ASIC2: variants seen among roughly 807,000 people sequenced by gnomAD.
ASIC2 encodes acid sensing ion channel subunit 2.
Under a neutral mutation model 57.3 loss-of-function variants are expected in ASIC2, and 25 were observed. The observed-to-expected ratio is 0.44, with a 90% confidence interval of 0.32 to 0.61. The LOEUF (loss-of-function observed/expected upper bound fraction) is 0.61. ASIC2 is among the 20% of genes least tolerant of loss of function. The pLI is 0.06. For synonymous variants in ASIC2, 319 were observed against 307.5 expected, an observed-to-expected ratio of 1.04 and a Z score of -0.39; for missense variants, 641 against 738.1, an observed-to-expected ratio of 0.87 and a Z score of 1.52.
At chr17:33,735,054 T>A (rs1909868563) in intron 1 of ASIC2, among the ~76,000 whole-genome samples, 2 of 152,162 alleles carry the variant, frequency 1.3e-5, no homozygotes, top group African/African-American at 2.4e-5. Flanking sequence ...TTCTCTGAGA[T>A]CCCTGTATGA....
chr17:34,152,540 T>C (rs765214324), intron 1 of ASIC2, among the ~76,000 whole-genome samples: 1 of 152,172 alleles, frequency 6.6e-6, no homozygotes, highest in African/African-American at 2.4e-5. Context: ...TCATCTTTCA[T>C]AGCTTTACTC....
intron 1 of ASIC2, among the ~76,000 whole-genome samples, chr17:33,874,989 G>C (rs1468047649): frequency 6.6e-6 from 1 of 152,138 alleles, no homozygotes; most frequent in Non-Finnish European, 1.5e-5. Context: ...CAGTGACAAA[G>C]CTCCAAGGCA....
rs188892104 is a variant in ASIC2 at position 33,550,386 on chromosome 17, T to C, written c.556-438319A>G. Among the ~76,000 whole-genome samples the C allele has an allele frequency of 1.7e-3, 260 of 152,242 alleles. 1 individual carries two copies. The highest frequency in any genetic ancestry group is 2.9e-3 in the Non-Finnish European group (195 of 68,016). Reference sequence around the variant, plus strand: ...CGACAATGACTGGCAGGCGATATCATGGGAAGAAAGGGCTCACATGTGTGA... The same window carrying C: ...CGACAATGACTGGCAGGCGATATCACGGGAAGAAAGGGCTCACATGTGTGA... On this transcript the variant is annotated intron_variant, in intron 1 of 9. Coordinates refer to the ASIC2 transcript ENST00000359872.
At chr17:33,770,998 A>C (rs1911087848) in intron 1 of ASIC2, among the ~76,000 whole-genome samples, 1 of 152,182 alleles carries the variant, frequency 6.6e-6, no homozygotes, top group African/African-American at 2.4e-5. Flanking sequence ...ACTACTGCTA[A>C]AGGGGACAGT....
intron 1 of ASIC2, chr17:34,039,904 C>T: frequency 1.9e-6 from 3 of 1,565,240 alleles, no homozygotes; most frequent in East Asian, 2.2e-5. Context: ...TGCCGCTCCA[C>T]GCTCCTCCCT....
At chr17:33,756,342 T>C (rs922179576) in intron 1 of ASIC2, among the ~76,000 whole-genome samples, 1 of 152,236 alleles carries the variant, frequency 6.6e-6, no homozygotes, top group Admixed American at 6.5e-5. Flanking sequence ...GGTGTCTTTA[T>C]GGAATTATCT....
At chr17:33,993,285 G>GT (rs1906056100) in intron 1 of ASIC2, among the ~76,000 whole-genome samples, 2 of 152,130 alleles carry the variant, frequency 1.3e-5, no homozygotes, top group African/African-American at 2.4e-5. Context: ...TATGGTTTCA[G>GT]TTTTTTTGGC....
intron 1 of ASIC2, among the ~76,000 whole-genome samples, chr17:33,527,160 GTTC>G (rs1423994700): frequency 6.6e-6 from 1 of 152,182 alleles, no homozygotes; most frequent in Non-Finnish European, 1.5e-5. Context: ...GAGAAATACT[GTTC>G]TTCTTCAGAT....
At chr17:33,585,973 G>C (rs190461885) in intron 1 of ASIC2, among the ~76,000 whole-genome samples, 1 of 152,154 alleles carries the variant, frequency 6.6e-6, no homozygotes, top group Non-Finnish European at 1.5e-5. Flanking sequence ...TAAGTAACTA[G>C]GGAAGAAGGA....
chr17:33,939,338 T>C (rs1485571399), intron 1 of ASIC2, among the ~76,000 whole-genome samples: 2 of 152,218 alleles, frequency 1.3e-5, no homozygotes, highest in Non-Finnish European at 2.9e-5. Flanking sequence ...GTACTGCCCA[T>C]TGGAAATTGA....
chr17:33,191,944 C>A (rs1906438297), intron 1 of ASIC2, among the ~76,000 whole-genome samples: 1 of 152,154 alleles, frequency 6.6e-6, no homozygotes, highest in Admixed American at 6.5e-5. Context: ...GAAGAGGGTG[C>A]TTGGATGTTG....
At chr17:33,803,499 G>C (rs553491939) in intron 1 of ASIC2, among the ~76,000 whole-genome samples, 32 of 152,076 alleles carry the variant, frequency 2.1e-4, no homozygotes, top group African/African-American at 7.7e-4. Context: ...GGTTGATGCG[G>C]TGGATACCTA....
rs57330703 is a variant in ASIC2 at position 33,814,235 on chromosome 17, C to A, written c.555+341743G>T. Among the ~76,000 whole-genome samples, 147 of 152,280 alleles carry A rather than the reference C, an allele frequency of 9.7e-4. 1 individual carries two copies. The highest frequency in any genetic ancestry group is 3.5e-3 in the African/African-American group (145 of 41,548). ...AGCCTAAATTCCTGCAGCCCTATCA[C>A]ATATCAAGCTTCCTCCATGGGAAGC... is the stretch of plus-strand genomic sequence containing the variant. On this transcript the variant is annotated intron_variant, in intron 1 of 9. Transcript: ENST00000359872.
intron 1 of ASIC2, among the ~76,000 whole-genome samples, chr17:33,427,133 G>T (rs955872605): frequency 1.3e-5 from 2 of 152,194 alleles, no homozygotes; most frequent in South Asian, 2.1e-4. Flanking sequence ...TCAGCCCATC[G>T]ATCAGAAGGA....
chr17:33,016,213 C>A (rs1420672521), intron 8 of ASIC2, among the ~76,000 whole-genome samples, 174 bp from the exon 9 acceptor site: 1 of 152,152 alleles, frequency 6.6e-6, no homozygotes, highest in Non-Finnish European at 1.5e-5. Flanking sequence ...CTCAACCCAG[C>A]CTTTTGGCTG....
intron 1 of ASIC2, among the ~76,000 whole-genome samples, chr17:33,543,263 G>A (rs1363816580): frequency 2.7e-5 from 4 of 148,032 alleles, no homozygotes; most frequent in East Asian, 2.0e-4. Flanking sequence ...ATGTGCACAC[G>A]TACCCTAAAA....
intron 1 of ASIC2, among the ~76,000 whole-genome samples, chr17:33,657,655 G>T (rs1178536098): frequency 6.6e-6 from 1 of 151,682 alleles, no homozygotes; most frequent in East Asian, 1.9e-4. Flanking sequence ...CAACGATTTT[G>T]GCAGAAACTT....
At chr17:34,147,246 A>C (rs1381166106) in intron 1 of ASIC2, among the ~76,000 whole-genome samples, 1 of 152,184 alleles carries the variant, frequency 6.6e-6, no homozygotes, top group Non-Finnish European at 1.5e-5. Flanking sequence ...ACAGATAAGC[A>C]AACTGAGGCC....
At chr17:33,252,699 T>C (rs932334413) in intron 1 of ASIC2, among the ~76,000 whole-genome samples, 2 of 152,020 alleles carry the variant, frequency 1.3e-5, no homozygotes, top group African/African-American at 4.8e-5. Context: ...CACTTGACTC[T>C]ATTTCTTGGC....
Sources: allele counts gnomAD v4.1 joint callset (sites outside exome capture counted in the v4.1 genomes callset), GRCh38; gene constraint gnomAD v4.1.1; transcripts MANE v1.5; gene names NCBI Gene and HGNC (gene_info 2026-07-23, HGNC 2026-07-21).